Variants in NRCAM observed in about 807,000 individuals in gnomAD.
The protein encoded by NRCAM is NgCAM-related cell adhesion molecule.
NRCAM carries 83 observed loss-of-function variants against 156.5 expected under a neutral mutation model. That is an observed-to-expected ratio of 0.53 (90% CI 0.44 to 0.64). The LOEUF is 0.64. Among genes scored for constraint, NRCAM ranks in the 30% least tolerant of loss-of-function variants. The pLI, the probability that NRCAM is intolerant of heterozygous loss-of-function variation, is 0.00. For missense variants in NRCAM, 1,417 were observed against 1,597.3 expected (o/e 0.89, Z 1.92); for synonymous variants, 538 against 563.9 (o/e 0.95, Z 0.65).
chr7:108,245,215 G>C (rs975657465), intron 3 of NRCAM, among the ~76,000 whole-genome samples: 1 of 152,058 alleles, frequency 6.6e-6, no homozygotes, highest in African/African-American at 2.4e-5. Context: ...GGAGCTTTTA[G>C]CCATCTCACA....
At chr7:108,326,960 T>C (rs1216743711) in intron 2 of NRCAM, among the ~76,000 whole-genome samples, 1 of 152,152 alleles carries the variant, frequency 6.6e-6, no homozygotes, top group Non-Finnish European at 1.5e-5. Context: ...TAAACAACAC[T>C]TGGTTATTTT....
intron 32 of NRCAM, 87 bp from the exon 33 acceptor site, chr7:108,150,234 A>C: frequency 8.9e-7 from 1 of 1,118,976 alleles, no homozygotes; most frequent in Non-Finnish European, 1.3e-6. Flanking sequence ...AATTATGAGA[A>C]AGCATTTGGA....
At chr7:108,401,574 T>C (rs2099792928) in intron 1 of NRCAM, among the ~76,000 whole-genome samples, 1 of 152,070 alleles carries the variant, frequency 6.6e-6, no homozygotes, top group South Asian at 2.1e-4. Context: ...GTAATCTTAG[T>C]AGCTAAACTA....
intron 14 of NRCAM, among the ~76,000 whole-genome samples, chr7:108,197,007 C>A (rs550063571): frequency 6.6e-6 from 1 of 152,218 alleles, no homozygotes; most frequent in South Asian, 2.1e-4. Flanking sequence ...GGAATACTAT[C>A]CAGCCTTAAA....
intron 3 of NRCAM, among the ~76,000 whole-genome samples, chr7:108,286,262 T>C (rs1171169978): frequency 6.6e-6 from 1 of 152,178 alleles, no homozygotes; most frequent in African/African-American, 2.4e-5. Flanking sequence ...CCAGCAGCAG[T>C]AGTTTGCAAT....
chr7:108,395,051 G>T (rs1172894739), intron 2 of NRCAM, among the ~76,000 whole-genome samples: 1 of 152,132 alleles, frequency 6.6e-6, no homozygotes, highest in Non-Finnish European at 1.5e-5. Context: ...TCAACAACTG[G>T]CAAGAATGGT....
intron 2 of NRCAM, chr7:108,313,408 T>G (rs2098831202): frequency 6.6e-6 from 1 of 152,170 alleles, no homozygotes; most frequent in Admixed American, 6.5e-5. Context: ...CACCCAAGGT[T>G]TCTAAGGGAG....
At chr7:108,369,464 A>G (rs2099614918) in intron 2 of NRCAM, among the ~76,000 whole-genome samples, 1 of 152,150 alleles carries the variant, frequency 6.6e-6, no homozygotes, top group Non-Finnish European at 1.5e-5. Context: ...TTTTAAATTC[A>G]TTTAATTAAA....
intron 9 of NRCAM, among the ~76,000 whole-genome samples, 186 bp downstream of exon 9, chr7:108,226,022 A>G (rs1231509559): frequency 6.6e-6 from 1 of 152,222 alleles, no homozygotes; most frequent in Admixed American, 6.5e-5. Flanking sequence ...CAAAAAATGT[A>G]AAATCCAATA....
intron 1 of NRCAM, among the ~76,000 whole-genome samples, chr7:108,446,120 G>A (rs1395168671): frequency 1.3e-5 from 2 of 152,106 alleles, no homozygotes; most frequent in African/African-American, 4.8e-5. Flanking sequence ...GTGCAAATCT[G>A]GAATCATCTG....
At chr7:108,303,094 T>C (rs2098654620) in intron 3 of NRCAM, among the ~76,000 whole-genome samples, 1 of 152,142 alleles carries the variant, frequency 6.6e-6, no homozygotes, top group Non-Finnish European at 1.5e-5. Context: ...CCTGAGTAGC[T>C]GGGATTACAG....
At position 108,166,994 on chromosome 7, in the gene NRCAM, T is replaced by C. The variant is rs1451118023; in HGVS notation, c.3393A>G (p.Ala1131=). Residue 1131 remains alanine, a synonymous_variant, in exon 30 of 33, where the codon GCA becomes GCG. Coordinates refer to ENST00000379028, the MANE Select transcript of NRCAM (RefSeq NM_001037132.4). ...CCACAGCACCAACTCGAACTTTGTA[T>C]GCTGTTCCTGGCATTAGACCCTTTA... ...FGLKGLMPGT[A]YKVRVGAVGD... 5 of 1,614,002 alleles carry C rather than the reference T, an allele frequency of 3.1e-6. No individual in the cohort carries two copies. The highest frequency in any genetic ancestry group is 1.1e-5 in the South Asian group (1 of 91,080).
At chr7:108,222,645 G>A (rs1235566349) in intron 11 of NRCAM, among the ~76,000 whole-genome samples, 2 of 152,058 alleles carry the variant, frequency 1.3e-5, no homozygotes, top group African/African-American at 2.4e-5. Context: ...GCTGAGTAAT[G>A]CATAGTATGA....
At chr7:108,176,292 G>T in intron 27 of NRCAM, 138 bp downstream of exon 27, 1 of 718,618 alleles carries the variant, frequency 1.4e-6, no homozygotes, top group Non-Finnish European at 2.3e-6. Context: ...TTATATATCA[G>T]AATGAGAAAT....
Position 108,221,718 on chromosome 7 carries a change from T to C in NRCAM, c.890+2007A>G, listed in dbSNP as rs1372817685. On this transcript the variant is annotated intron_variant, in intron 11 of 32. Coordinates refer to ENST00000379028, the MANE Select transcript of NRCAM (RefSeq NM_001037132.4). ...CTTCAGGGGAAGGGTGGAGGAGTGT[T>C]GAGGGACAAAAGACTACAAATAGAG... Among the ~76,000 whole-genome samples, 3 of 151,962 alleles carry C rather than the reference T, an allele frequency of 2.0e-5. No homozygotes were observed. The East Asian group carries it at 5.8e-4, about 29-fold the overall frequency.
At chr7:108,425,344 A>G (rs1397077277) in intron 1 of NRCAM, among the ~76,000 whole-genome samples, 1 of 152,228 alleles carries the variant, frequency 6.6e-6, no homozygotes, top group East Asian at 1.9e-4. Flanking sequence ...CCCAATATAC[A>G]TGGAGACTGA....
intron 30 of NRCAM, among the ~76,000 whole-genome samples, chr7:108,164,573 GAGGAGC>G (rs1198605189): frequency 1.3e-5 from 2 of 151,810 alleles, no homozygotes; most frequent in Non-Finnish European, 2.9e-5. Flanking sequence ...GAGAGGAGAG[GAGGAGC>G]AGGAGCAGGA....
At chr7:108,161,667 G>C (rs576202578) in intron 30 of NRCAM, among the ~76,000 whole-genome samples, 1 of 152,010 alleles carries the variant, frequency 6.6e-6, no homozygotes, top group Non-Finnish European at 1.5e-5. Flanking sequence ...ACATGACTAC[G>C]CATATCCCAG....
At chr7:108,325,673 CT>C (rs939169321) in intron 2 of NRCAM, among the ~76,000 whole-genome samples, 7 of 151,050 alleles carry the variant, frequency 4.6e-5, no homozygotes, top group African/African-American at 1.5e-4. Context: ...ATTGATTCAT[CT>C]TTTTTTTTAA....
Sources: gnomAD v4.1 joint callset for allele counts (sites outside exome capture counted in the v4.1 genomes callset) on GRCh38, gnomAD v4.1.1 for gene constraint, MANE v1.5 for transcripts, NCBI Gene and HGNC (gene_info 2026-07-23, HGNC 2026-07-21) for gene names.